The following IMPDH1 variants were observed in gnomAD, a reference collection of about 807,000 sequenced individuals.
IMPDH1 encodes the protein inosine-5'-monophosphate dehydrogenase 1.
Under a neutral mutation model 73.5 loss-of-function variants are expected in IMPDH1, and 41 were observed. That is an observed-to-expected ratio of 0.56 (90% CI 0.43 to 0.72). The LOEUF is 0.72. Among genes scored for constraint, IMPDH1 ranks in the 30% least tolerant of loss-of-function variants. The probability of loss-of-function intolerance (pLI) is 0.00; values close to 1 mark genes in which losing one functional copy is unlikely to be tolerated. For synonymous variants in IMPDH1, 318 were observed against 334.3 expected (o/e 0.95, Z 0.53); for missense variants, 645 against 824.8 (o/e 0.78, Z 2.67).
chr7:128,400,128 C>G lies in IMPDH1; in HGVS notation c.841G>C (p.Glu281Gln), dbSNP rs145014241. Residue 281 changes from glutamate (E) to glutamine (Q), a missense_variant, in exon 9 of 17, where the codon GAG becomes CAG. Glu to Gln is a conservative substitution (Grantham distance 29). Transcript: ENST00000338791. ...CTACGCTGCAGGATCTCATTTGCCTCTTTCAACGTCACACCTGCTGGAGCC... is the reference window on the plus strand; with the variant it reads ...CTACGCTGCAGGATCTCATTTGCCTGTTTCAACGTCACACCTGCTGGAGCC... The part of the protein sequence containing the change: ...VVAPAGVTLK[E>Q]ANEILQRSKK... The G allele has an allele frequency of 3.0e-4, 478 of 1,613,770 alleles. 1 individual carries two copies. Among genetic ancestry groups the G allele is most frequent in the Non-Finnish European group, 3.7e-4 (441 of 1,180,010 alleles).
intron 8 of IMPDH1, 73 bp downstream of exon 8, chr7:128,400,260 C>A: frequency 2.5e-6 from 4 of 1,605,730 alleles, no homozygotes; most frequent in Non-Finnish European, 3.4e-6. Flanking sequence ...TCCCTGGTCA[C>A]AGGCACCAGT....
Position 128,394,127 on chromosome 7 carries a change from AAG to A in IMPDH1, c.1778+149_1778+150del. 1.4e-6 allele frequency: 1 copy of A among 695,650 alleles called. No individual in the cohort carries two copies. The highest frequency in any genetic ancestry group is 2.6e-6 in the Non-Finnish European group (1 of 389,402). 43.1% of individuals were successfully genotyped at this position (695,650 alleles called of 1,614,324 possible). Reference sequence around the variant, plus strand: ...CAAGGAACAGGGGGCTGGGCCCCCGAAGAGAGGGTGAGGGGCCATCCTGCAGC... The same window carrying A: ...CAAGGAACAGGGGGCTGGGCCCCCGAAGAGGGTGAGGGGCCATCCTGCAGC... On this transcript the variant is annotated intron_variant, in intron 16 of 16. Transcript: ENST00000338791. This position sits in a 1 kb window ranked among gnomAD's most constrained non-coding sequence, Gnocchi z 5.5.
chr7:128,404,418 G>A (rs986224494), intron 4 of IMPDH1, among the ~76,000 whole-genome samples: 33 of 152,164 alleles, frequency 2.2e-4, no homozygotes, highest in Non-Finnish European at 3.1e-4. Context: ...GGTGGGCCAC[G>A]GTCACAGCAA....
chr7:128,403,812 G>C, intron 4 of IMPDH1, 58 bp from the exon 5 acceptor site: 1 of 1,461,368 alleles, frequency 6.8e-7, no homozygotes, highest in Non-Finnish European at 9.6e-7. Context: ...AAGGGGCAGA[G>C]CCTGCCATGC....
In IMPDH1 at chr7:128,392,897, G is replaced by A. The variant is rs1365167265; in HGVS notation, c.*110C>T. ...CCTCCTCTCTGCCTGGAAAGGAGCT[G>A]GAGAACCCGTAGTGCAAATCTGTGG... On this transcript the variant is annotated 3_prime_UTR_variant, in exon 17 of 17. Coordinates refer to ENST00000338791, the MANE Select transcript of IMPDH1 (RefSeq NM_000883.4). The A allele has an allele frequency of 5.5e-6, 6 of 1,088,820 alleles. No homozygotes were observed. The highest frequency in any genetic ancestry group is 1.5e-5 in the African/African-American group (1 of 64,806). The allele number at this position is 1,088,820 out of a possible 1,614,324, so 67.4% of individuals were successfully genotyped here.
rs1797923548 is a variant in IMPDH1 at position 128,396,522 on chromosome 7, A to G, written c.1261+78T>C. ...CATGGCAGAACAGGGCCTGGCAGAGAGAGTACTTGATATACATCTGGGGAA... is the reference window on the plus strand; with the variant it reads ...CATGGCAGAACAGGGCCTGGCAGAGGGAGTACTTGATATACATCTGGGGAA... On this transcript the variant is annotated intron_variant, in intron 12 of 16. Coordinates refer to ENST00000338791, the MANE Select transcript of IMPDH1 (RefSeq NM_000883.4). This position sits in a 1 kb window ranked among gnomAD's most constrained non-coding sequence, Gnocchi z 4.0. 2.3e-5 allele frequency: 26 copies of G among 1,107,984 alleles called. No individual in the cohort carries two copies. The South Asian group carries it at 3.1e-4, about 13-fold the overall frequency. 68.6% of individuals were successfully genotyped at this position (1,107,984 alleles called of 1,614,324 possible).
chr7:128,406,226 G>A (rs1321329089), intron 3 of IMPDH1, among the ~76,000 whole-genome samples: 2 of 150,188 alleles, frequency 1.3e-5, no homozygotes, highest in Non-Finnish European at 3.0e-5. Flanking sequence ...GGTCAGGCCG[G>A]GACACGCCCC....
At chr7:128,400,689 C>T in intron 7 of IMPDH1, 128 bp downstream of exon 7, 1 of 1,190,036 alleles carries the variant, frequency 8.4e-7, no homozygotes, top group South Asian at 1.2e-5. Flanking sequence ...GGGCTCGGCC[C>T]CAAGGCTCCA....
Position 128,409,823 on chromosome 7 carries a change from G to C in IMPDH1, c.79C>G (p.Pro27Ala). 2 of 1,497,054 alleles carry C rather than the reference G, an allele frequency of 1.3e-6. No homozygotes were observed. The highest frequency in any genetic ancestry group is 1.8e-6 in the Non-Finnish European group (2 of 1,130,640). 92.7% of individuals were successfully genotyped at this position (1,497,054 alleles called of 1,614,324 possible). ...AVPEPGARQH[P>A]GHETAAQRYS... ...CGCTGCGCCGCCGTCTCGTGTCCCGGGTGTTGCCGGGCTCCGGGCTCCGGA... is the reference window on the plus strand; with the variant it reads ...CGCTGCGCCGCCGTCTCGTGTCCCGCGTGTTGCCGGGCTCCGGGCTCCGGA... Residue 27 changes from proline to alanine, a missense_variant, in exon 1 of 17, where the codon CCG becomes GCG. Transcript: ENST00000338791.
Position 128,405,842 on chromosome 7 carries a change from C to T in IMPDH1, c.278G>A (p.Gly93Asp). The T allele has an allele frequency of 6.5e-7, 1 of 1,537,656 alleles. No homozygotes were observed. The highest frequency in any genetic ancestry group is 8.7e-7 in the Non-Finnish European group (1 of 1,143,940). ...RASMADYLIS[G>D]GTGYVPEDGL... The stretch of plus-strand genomic sequence containing the variant: ...ATCCTCGGGCACGTAGCCGGTGCCG[C>T]CGCTGATCAGGTAGTCCGCCATGCT... The change falls in exon 4 of 17, where the codon GGC (glycine) becomes GAC (aspartate). Residue 93 changes from glycine (G) to aspartate (D), a missense_variant. Coordinates refer to ENST00000338791, the MANE Select transcript of IMPDH1 (RefSeq NM_000883.4).
At position 128,394,575 on chromosome 7, in the gene IMPDH1, C is replaced by A. The variant is rs2228075; in HGVS notation, c.1575G>T (p.Ala525=). Residue 525 remains alanine (A), a synonymous_variant, in exon 15 of 17, where the codon GCG becomes GCT. Coordinates refer to ENST00000338791, the MANE Select transcript of IMPDH1 (RefSeq NM_000883.4). The surrounding 1 kb of genome is among the most constrained non-coding windows in gnomAD (Gnocchi z 5.5). Reference sequence around the variant, plus strand: ...CCTGGATGGAGCCCGAGACACCCTGCGCGATCTTCACTTTATCCCCCTCGC... The same window carrying A: ...CCTGGATGGAGCCCGAGACACCCTGAGCGATCTTCACTTTATCCCCCTCGC... ...YFSEGDKVKI[A]QGVSGSIQDK... 6 of 1,613,436 alleles carry A rather than the reference C, an allele frequency of 3.7e-6. No individual in the cohort carries two copies. The highest frequency in any genetic ancestry group is 5.1e-6 in the Non-Finnish European group (6 of 1,179,918).
In IMPDH1 at chr7:128,396,858, G is replaced by C; in HGVS notation, c.1165+74C>G. 8.1e-7 allele frequency: 1 copy of C among 1,239,170 alleles called. No individual in the cohort carries two copies. The highest frequency in any genetic ancestry group is 1.2e-5 in the South Asian group (1 of 83,062). 76.8% of individuals were successfully genotyped at this position (1,239,170 alleles called of 1,614,324 possible). A position where few individuals can be genotyped will look rare whatever the true frequency, so the allele number is the denominator to read the frequency against. On this transcript the variant is annotated intron_variant, in intron 11 of 16. Transcript: ENST00000338791. The surrounding 1 kb of genome is among the most constrained non-coding windows in gnomAD (Gnocchi z 4.0). Reference sequence around the variant, plus strand: ...GCCAGGAGCCATACCATCACCTAGGGATGCTGAAGGACAGAAAAGGGTTAC... The same window carrying C: ...GCCAGGAGCCATACCATCACCTAGGCATGCTGAAGGACAGAAAAGGGTTAC...
rs1399799003 is a variant in IMPDH1, at chr7:128,395,289, G to A, written c.1262-15C>T. The A allele has an allele frequency of 6.2e-7, 1 of 1,612,552 alleles. No homozygotes were observed. The highest frequency in any genetic ancestry group is 1.3e-5 in the African/African-American group (1 of 75,048). On this transcript the variant is annotated splice_polypyrimidine_tract_variant and intron_variant, in intron 12 of 16. Transcript: ENST00000338791. ...ACAGGCCATCACTGGGGGAGGGTGG[G>A]GTGCACAAGGCAGAGAAGAGTCAAC...
chr7:128,399,630 T>A (rs886275407), intron 9 of IMPDH1, among the ~76,000 whole-genome samples: 1 of 151,636 alleles, frequency 6.6e-6, no homozygotes, highest in Admixed American at 6.6e-5. Context: ...AGGGTTGCAG[T>A]GAGCTGACAT....
rs920907872 is a variant in IMPDH1, at chr7:128,398,039, G to A, written c.1074+375C>T. 6.6e-6 allele frequency among the ~76,000 whole-genome samples: 1 copy of A among 152,202 alleles called. No individual in the cohort carries two copies. Among genetic ancestry groups the A allele is most frequent in the African/African-American group, 2.4e-5 (1 of 41,436 alleles). On this transcript the variant is annotated intron_variant, in intron 10 of 16. Transcript: ENST00000338791. The surrounding 1 kb of genome is among the most constrained non-coding windows in gnomAD (Gnocchi z 4.3). ...ACTAAGGATAATGGCTTCTAGCTCT[G>A]TCCATGTTGCTGCAAAGGACAGGAT...
At chr7:128,395,398 T>C in intron 12 of IMPDH1, 124 bp from the exon 13 acceptor site, 1 of 1,181,698 alleles carries the variant, frequency 8.5e-7, no homozygotes, top group Admixed American at 1.9e-5. Flanking sequence ...CAGGGCTGGA[T>C]GGTGTGTCTG....
rs571463944 is a variant in IMPDH1 at position 128,398,305 on chromosome 7, T to G, written c.1074+109A>C. Reference sequence around the variant, plus strand: ...AGCACTCAGAAAGAGAGAGGAAGAGTAGCAAGGGAGGGGCACAGGCTTAAT... The same window carrying G: ...AGCACTCAGAAAGAGAGAGGAAGAGGAGCAAGGGAGGGGCACAGGCTTAAT... On this transcript the variant is annotated intron_variant, in intron 10 of 16. Transcript: ENST00000338791. The surrounding 1 kb of genome is among the most constrained non-coding windows in gnomAD (Gnocchi z 4.3). The G allele has an allele frequency of 1.2e-6, 1 of 828,694 alleles. No homozygotes were observed. Among genetic ancestry groups the G allele is most frequent in the Non-Finnish European group, 2.0e-6 (1 of 502,604 alleles). The allele number at this position is 828,694 out of a possible 1,614,324, so 51.3% of individuals were successfully genotyped here. A position where few individuals can be genotyped will look rare whatever the true frequency, so the allele number is the denominator to read the frequency against.
chr7:128,395,467 G>T (rs1797853145), intron 12 of IMPDH1, among the ~76,000 whole-genome samples, 193 bp from the exon 13 acceptor site: 1 of 152,168 alleles, frequency 6.6e-6, no homozygotes. Flanking sequence ...AGGGATCTGG[G>T]CCACCCCACC....
In IMPDH1 at chr7:128,392,795, G is replaced by A. The variant is rs1228379261; in HGVS notation, c.*212C>T. 5.3e-6 allele frequency: 3 copies of A among 571,048 alleles called. No individual in the cohort carries two copies. Among genetic ancestry groups the A allele is most frequent in the African/African-American group, 3.8e-5 (2 of 53,008 alleles). The allele number at this position is 571,048 out of a possible 1,614,324, so 35.4% of individuals were successfully genotyped here. A position where few individuals can be genotyped will look rare whatever the true frequency, so the allele number is the denominator to read the frequency against. Reference sequence around the variant, plus strand: ...GGCTGGGCTCGGAGGGGGGCTCCCAGGGCAGCCTGGCCCCGGGAGCAGTCC... The same window carrying A: ...GGCTGGGCTCGGAGGGGGGCTCCCAAGGCAGCCTGGCCCCGGGAGCAGTCC... On this transcript the variant is annotated 3_prime_UTR_variant, in exon 17 of 17. Transcript: ENST00000338791.
Sources: allele counts gnomAD v4.1 joint callset (sites outside exome capture counted in the v4.1 genomes callset), GRCh38; gene constraint gnomAD v4.1.1; non-coding constraint Gnocchi (gnomAD v3.1); transcripts MANE v1.5; gene names NCBI Gene and HGNC (gene_info 2026-07-23, HGNC 2026-07-21).